Variants in ABCC4 observed in about 807,000 individuals in gnomAD.
The protein encoded by ABCC4 is ATP binding cassette subfamily C member 4 (PEL blood group), also known as ATP-binding cassette sub-family C member 4.
Under a neutral mutation model 168.5 loss-of-function variants are expected in ABCC4, and 102 were observed. The ratio of observed to expected loss-of-function variants is 0.61; its 90% CI spans 0.52 to 0.71. The LOEUF is 0.71. ABCC4 is among the 30% of genes least tolerant of loss of function. The probability of loss-of-function intolerance (pLI) is 0.00; values close to 1 mark genes in which losing one functional copy is unlikely to be tolerated. For synonymous variants in ABCC4, 617 were observed against 590.7 expected, an observed-to-expected ratio of 1.04 and a Z score of -0.65; for missense variants, 1,402 against 1,605.8, an observed-to-expected ratio of 0.87 and a Z score of 2.17.
At chr13:95,296,819 C>T (rs1338247513) in intron 1 of ABCC4, among the ~76,000 whole-genome samples, 1 of 152,092 alleles carries the variant, frequency 6.6e-6, no homozygotes, top group Non-Finnish European at 1.5e-5. Flanking sequence ...AGTTCATAGG[C>T]TATGCCACTT....
chr13:95,125,654 G>A (rs1183982627), intron 19 of ABCC4, among the ~76,000 whole-genome samples: 1 of 152,176 alleles, frequency 6.6e-6, no homozygotes, highest in Non-Finnish European at 1.5e-5. Flanking sequence ...GTGTGACCCA[G>A]GGCAAAGCCG....
intron 15 of ABCC4, 142 bp downstream of exon 15, chr13:95,166,016 C>A (rs1332424600): frequency 3.8e-6 from 3 of 783,102 alleles, no homozygotes; most frequent in Admixed American, 2.7e-5. Flanking sequence ...TTTTAATCTA[C>A]CAATATCATG....
At chr13:95,198,186 G>A (rs1386936422) in intron 8 of ABCC4, among the ~76,000 whole-genome samples, 1 of 151,614 alleles carries the variant, frequency 6.6e-6, no homozygotes. Context: ...CTACAGAATG[G>A]AAGAAAATTT....
At chr13:95,227,605 C>T (rs2039501008) in intron 4 of ABCC4, among the ~76,000 whole-genome samples, 2 of 152,094 alleles carry the variant, frequency 1.3e-5, no homozygotes, top group Admixed American at 6.5e-5. Context: ...AGGCTCTCTA[C>T]GAATCTTCAG....
At chr13:95,108,839 C>G (rs2035100921) in intron 20 of ABCC4, among the ~76,000 whole-genome samples, 1 of 152,022 alleles carries the variant, frequency 6.6e-6, no homozygotes, top group Admixed American at 6.5e-5. Context: ...CTTCTGGAGA[C>G]CTGGCACCTG....
intron 9 of ABCC4, among the ~76,000 whole-genome samples, chr13:95,192,471 T>G (rs894489967): frequency 1.3e-5 from 2 of 152,136 alleles, no homozygotes; most frequent in African/African-American, 2.4e-5. Context: ...AACAGACCAT[T>G]TTACAATATC....
intron 29 of ABCC4, among the ~76,000 whole-genome samples, chr13:95,037,208 T>TA (rs2032162539): frequency 6.6e-6 from 1 of 151,722 alleles, no homozygotes; most frequent in African/African-American, 2.4e-5. Context: ...CCTTGGCATA[T>TA]AAATATGACC....
intron 8 of ABCC4, among the ~76,000 whole-genome samples, chr13:95,196,798 C>T (rs930426742): frequency 7.9e-5 from 12 of 151,812 alleles, no homozygotes; most frequent in African/African-American, 2.9e-4. Flanking sequence ...GTTTACTGAC[C>T]GGCAATCATT....
At chr13:95,231,033 A>C (rs950275540) in intron 4 of ABCC4, among the ~76,000 whole-genome samples, 2 of 152,256 alleles carry the variant, frequency 1.3e-5, no homozygotes, top group African/African-American at 4.8e-5. Context: ...CCAGACAGAA[A>C]ATAACAAATA....
chr13:95,029,201 T>C (rs1176185106), intron 30 of ABCC4, among the ~76,000 whole-genome samples: 1 of 66,352 alleles, frequency 1.5e-5, no homozygotes, highest in Non-Finnish European at 2.9e-5. Context: ...TATATATATA[T>C]ATATATATAT....
At chr13:95,186,370 A>G (rs1427759265) in intron 11 of ABCC4, among the ~76,000 whole-genome samples, 5 of 152,164 alleles carry the variant, frequency 3.3e-5, no homozygotes, top group Non-Finnish European at 7.3e-5. Flanking sequence ...CTTGAACTTG[A>G]GCAATGGGTA....
In ABCC4 at chr13:95,071,817, G is replaced by C. The variant is rs1468050109; in HGVS notation, c.3055C>G (p.Leu1019Val). The C allele has an allele frequency of 3.8e-6, 6 of 1,597,872 alleles. No individual in the cohort carries two copies. The highest frequency in any genetic ancestry group is 5.1e-6 in the Non-Finnish European group (6 of 1,173,690). The part of the protein sequence containing the change: ...SVERVIEYTD[L>V]EKEAPWEYQK... ...TATTCCCAAGGTGCTTCTTTTTCAA[G>C]GTCTGTGTATTCAATGACCCTTTCT... is the stretch of plus-strand genomic sequence containing the variant. Residue 1019 changes from leucine (L) to valine (V), a missense_variant, in exon 25 of 31, where the codon CTT becomes GTT. By Grantham distance (32) the Leu-to-Val change is conservative. This residue lies in a region of ABCC4 where 1,007 missense variants were observed against 1,127.3 expected (regional missense o/e 0.89). Coordinates refer to ENST00000645237, the MANE Select transcript of ABCC4 (RefSeq NM_005845.5).
intron 26 of ABCC4, 31 bp downstream of exon 26, chr13:95,062,673 G>A: frequency 6.4e-7 from 1 of 1,573,166 alleles, no homozygotes; most frequent in Non-Finnish European, 8.6e-7. Context: ...TCTTATAAAA[G>A]GGGCAGGTAA....
chr13:95,060,682 T>G (rs1314747230), intron 26 of ABCC4, among the ~76,000 whole-genome samples: 2 of 152,240 alleles, frequency 1.3e-5, no homozygotes, highest in Admixed American at 1.3e-4. Flanking sequence ...TTTCTTCCCA[T>G]TTTATCCTGA....
At chr13:95,285,194 G>A (rs1458614756) in intron 1 of ABCC4, among the ~76,000 whole-genome samples, 1 of 152,118 alleles carries the variant, frequency 6.6e-6, no homozygotes, top group African/African-American at 2.4e-5. Context: ...GCTGCAATGA[G>A]CTGAGATCAC....
chr13:95,213,618 A>G (rs1165703056), intron 4 of ABCC4, among the ~76,000 whole-genome samples: 1 of 47,524 alleles, frequency 2.1e-5, no homozygotes, highest in Non-Finnish European at 4.7e-5. Flanking sequence ...GAGAGGAAGG[A>G]AATCTCCACT....
At chr13:95,054,306 A>G (rs1286127793) in intron 26 of ABCC4, among the ~76,000 whole-genome samples, 4 of 152,076 alleles carry the variant, frequency 2.6e-5, no homozygotes, top group Admixed American at 6.6e-5. Context: ...GGATCCCACA[A>G]TTAAATCACT....
intron 24 of ABCC4, among the ~76,000 whole-genome samples, chr13:95,072,400 G>A (rs910957708): frequency 2.6e-5 from 4 of 152,152 alleles, no homozygotes; most frequent in Non-Finnish European, 5.9e-5. Context: ...GGCGGAGGTT[G>A]CAGTGAGCCA....
At chr13:95,298,399 G>A (rs962412950) in intron 1 of ABCC4, among the ~76,000 whole-genome samples, 3 of 151,982 alleles carry the variant, frequency 2.0e-5, no homozygotes, top group African/African-American at 4.8e-5. Context: ...AGCAGTAAGC[G>A]CCTCAAATCA....
Sources: allele counts gnomAD v4.1 joint callset (sites outside exome capture counted in the v4.1 genomes callset), GRCh38; gene constraint gnomAD v4.1.1; regional missense constraint gnomAD v4.1.1; transcripts MANE v1.5; gene names NCBI Gene and HGNC (gene_info 2026-07-23, HGNC 2026-07-21).